The following PTPRQ variants were observed in gnomAD, a reference collection of about 807,000 sequenced individuals.
PTPRQ encodes the protein phosphatidylinositol phosphatase PTPRQ.
In PTPRQ, 199 loss-of-function variants were observed where a neutral mutation model predicts 246.0. The observed-to-expected ratio is 0.81, with a 90% CI of 0.72 to 0.91. PTPRQ has a LOEUF of 0.91. Among genes scored for constraint, PTPRQ ranks in the 40% least tolerant of loss-of-function variants. PTPRQ has a pLI of 0.00. For synonymous variants in PTPRQ, 869 were observed against 853.2 expected (o/e 1.02, Z -0.32); for missense variants, 2,624 against 2,528.4 (o/e 1.04, Z -0.81).
chr12:80,658,159 T>C, intron 39 of PTPRQ, 98 bp downstream of exon 39: 1 of 714,700 alleles, frequency 1.4e-6, no homozygotes, highest in Non-Finnish European at 2.0e-6. Flanking sequence ...TTATTACAAC[T>C]CCTATGGATC....
At chr12:80,466,887 C>G (rs1893439224) in intron 6 of PTPRQ, among the ~76,000 whole-genome samples, 1 of 152,034 alleles carries the variant, frequency 6.6e-6, no homozygotes, top group South Asian at 2.1e-4. Context: ...AATGTTAGAC[C>G]TAAAACCATA....
chr12:80,482,705 A>C (rs1894113972), intron 8 of PTPRQ, among the ~76,000 whole-genome samples: 1 of 151,536 alleles, frequency 6.6e-6, no homozygotes, highest in East Asian at 1.9e-4. Context: ...CCCATCAAAA[A>C]GTGGGCGAAG....
intron 29 of PTPRQ, among the ~76,000 whole-genome samples, chr12:80,615,079 A>C (rs1190997941): frequency 2.6e-5 from 4 of 151,162 alleles, no homozygotes; most frequent in African/African-American, 9.7e-5. Context: ...TTCTTTGCAC[A>C]CTGCAATTTC....
Position 80,506,111 on chromosome 12 carries a change from A to G in PTPRQ, c.2360A>G (p.Asn787Ser), listed in dbSNP as rs1417298219. The change falls in exon 15 of 45, where the codon AAT becomes AGT. Residue 787 changes from asparagine to serine, a missense_variant. Coordinates refer to ENST00000644991, the MANE Select transcript of PTPRQ (RefSeq NM_001145026.2). ...TCATTCCTTCCCCCAAGTAGTCCCA[A>G]TGGAATCATACAAAAATATACAATT... The part of the protein sequence containing the change: ...ELSFLPPSSP[N>S]GIIQKYTIYL... 4.5e-6 allele frequency: 7 copies of G among 1,542,674 alleles called. No homozygotes were observed. The highest frequency in any genetic ancestry group is 3.5e-6 in the Non-Finnish European group (4 of 1,143,672).
At chr12:80,605,347 C>T (rs1418041105) in intron 27 of PTPRQ, among the ~76,000 whole-genome samples, 167 bp downstream of exon 27, 4 of 151,204 alleles carry the variant, frequency 2.6e-5, no homozygotes, top group Admixed American at 2.6e-4. Flanking sequence ...TAATAGTAAA[C>T]AGGGTATGAG....
At chr12:80,513,319 C>A (rs945283774) in intron 17 of PTPRQ, among the ~76,000 whole-genome samples, 1 of 152,106 alleles carries the variant, frequency 6.6e-6, no homozygotes, top group East Asian at 1.9e-4. Flanking sequence ...AGCAGCGACT[C>A]TCCTCCATCC....
At position 80,444,238 on chromosome 12, in the gene PTPRQ, C is replaced by A; in HGVS notation, c.-108C>A. ...GCAGAGCTATTGAGTAATATGGGCT[C>A]ATTAATTGTGTACTTGCCAGAAGGA... is the stretch of plus-strand genomic sequence containing the variant. On this transcript the variant is annotated 5_prime_UTR_variant, in exon 1 of 45. Coordinates refer to ENST00000644991, the MANE Select transcript of PTPRQ (RefSeq NM_001145026.2). 1.7e-6 allele frequency: 1 copy of A among 599,760 alleles called. No individual in the cohort carries two copies. Among genetic ancestry groups the A allele is most frequent in the South Asian group, 1.7e-5 (1 of 57,202 alleles). 37.2% of individuals were successfully genotyped at this position (599,760 alleles called of 1,614,324 possible).
At chr12:80,491,536 A>G (rs952215081) in intron 9 of PTPRQ, among the ~76,000 whole-genome samples, 1 of 151,948 alleles carries the variant, frequency 6.6e-6, no homozygotes, top group Non-Finnish European at 1.5e-5. Flanking sequence ...ACAACTTTTA[A>G]AAAGTAGCTT....
At chr12:80,475,859 C>G (rs534843371) in intron 8 of PTPRQ, among the ~76,000 whole-genome samples, 1 of 152,012 alleles carries the variant, frequency 6.6e-6, no homozygotes, top group East Asian at 1.9e-4. Flanking sequence ...AAAATAGTGT[C>G]TGCTACTACT....
rs774386794 is a variant in PTPRQ, at chr12:80,635,086, C to G, written c.5915+13C>G. 6.5e-7 allele frequency: 1 copy of G among 1,549,434 alleles called. No homozygotes were observed. The highest frequency in any genetic ancestry group is 8.7e-7 in the Non-Finnish European group (1 of 1,146,136). ...AGAGATTAACGCGGTGAGCACACTCCTCTGGGTGAACTGTGGTCCAGAGGG... is the reference window on the plus strand; with the variant it reads ...AGAGATTAACGCGGTGAGCACACTCGTCTGGGTGAACTGTGGTCCAGAGGG... On this transcript the variant is annotated intron_variant, in intron 35 of 44. Transcript: ENST00000644991.
chr12:80,541,707 C>G lies in PTPRQ; in HGVS notation c.3307C>G (p.Leu1103Val). The G allele has an allele frequency of 6.4e-7, 1 of 1,551,308 alleles. No individual in the cohort carries two copies. The highest frequency in any genetic ancestry group is 1.2e-5 in the South Asian group (1 of 84,046). The change falls in exon 21 of 45, where the codon CTT (leucine) becomes GTT (valine). Residue 1103 changes from leucine to valine, a missense_variant. Coordinates refer to ENST00000644991, the MANE Select transcript of PTPRQ (RefSeq NM_001145026.2). ...GACTCCTCGCCATGTGAGACCACCT[C>G]TTGTTACATATGAGAGAAGCATATA... is the stretch of plus-strand genomic sequence containing the variant. Reference protein sequence around the residue: ...QQTPRHVRPPLVTYERSIYFD... With the variant: ...QQTPRHVRPPVVTYERSIYFD...
chr12:80,582,441 G>C (rs1327740176), intron 25 of PTPRQ, among the ~76,000 whole-genome samples: 1 of 152,154 alleles, frequency 6.6e-6, no homozygotes, highest in Non-Finnish European at 1.5e-5. Flanking sequence ...GATGCTATTA[G>C]AAGGTGAGGC....
At chr12:80,500,439 A>G (rs1034042661) in intron 14 of PTPRQ, among the ~76,000 whole-genome samples, 2 of 152,016 alleles carry the variant, frequency 1.3e-5, no homozygotes, top group African/African-American at 4.8e-5. Context: ...ATAAAAATGC[A>G]AAGGATATCA....
At chr12:80,619,099 G>A (rs987518315) in intron 30 of PTPRQ, among the ~76,000 whole-genome samples, 1 of 151,470 alleles carries the variant, frequency 6.6e-6, no homozygotes, top group Non-Finnish European at 1.5e-5. Context: ...ATATATATGA[G>A]TGAGAGCATG....
In PTPRQ at chr12:80,544,589, T is replaced by C. The variant is rs1231382031; in HGVS notation, c.3873+1708T>C. On this transcript the variant is annotated intron_variant, in intron 23 of 44. Transcript: ENST00000644991. Reference sequence around the variant, plus strand: ...ACTCCTTTTTACATCTATTTTCTCTTTCATCAATTTTCATAATCTTATTTG... The same window carrying C: ...ACTCCTTTTTACATCTATTTTCTCTCTCATCAATTTTCATAATCTTATTTG... Among the ~76,000 whole-genome samples the C allele has an allele frequency of 2.0e-5, 3 of 152,240 alleles. No homozygotes were observed. The East Asian group carries it at 5.8e-4, about 29-fold the overall frequency.
intron 4 of PTPRQ, among the ~76,000 whole-genome samples, chr12:80,458,021 T>A (rs1432478069): frequency 1.3e-5 from 2 of 152,098 alleles, no homozygotes; most frequent in Non-Finnish European, 2.9e-5. Flanking sequence ...CATATGCAAG[T>A]TTATATCCTG....
chr12:80,679,153 A>C lies in PTPRQ; in HGVS notation c.*130A>C. ...TATGCTTCTCTCACTGTGCCTTTCC[A>C]AACGGATTGAACATTTTAAGACTAG... On this transcript the variant is annotated 3_prime_UTR_variant, in exon 45 of 45. Coordinates refer to ENST00000644991, the MANE Select transcript of PTPRQ (RefSeq NM_001145026.2). 9.0e-7 allele frequency: 1 copy of C among 1,110,038 alleles called. No homozygotes were observed. Among genetic ancestry groups the C allele is most frequent in the Non-Finnish European group, 1.2e-6 (1 of 822,088 alleles). 68.8% of individuals were successfully genotyped at this position (1,110,038 alleles called of 1,614,324 possible).
chr12:80,506,548 A>G, intron 15 of PTPRQ, 21 bp from the exon 16 acceptor site: 4 of 1,473,428 alleles, frequency 2.7e-6, no homozygotes, highest in Non-Finnish European at 3.7e-6. Context: ...GTTTCAACTT[A>G]CCTATTTGAT....
intron 14 of PTPRQ, among the ~76,000 whole-genome samples, chr12:80,498,594 T>C (rs1894700335): frequency 6.6e-6 from 1 of 152,072 alleles, no homozygotes; most frequent in Admixed American, 6.6e-5. Flanking sequence ...CCATTTCCCT[T>C]TCACAGCACA....
Sources: gnomAD v4.1 joint callset for allele counts (sites outside exome capture counted in the v4.1 genomes callset) on GRCh38, gnomAD v4.1.1 for gene constraint, MANE v1.5 for transcripts, NCBI Gene and HGNC (gene_info 2026-07-23, HGNC 2026-07-21) for gene names.